The following LEPR variants were observed in gnomAD, a reference collection of about 807,000 sequenced individuals.
The protein encoded by LEPR is leptin receptor, also known as OB receptor.
LEPR carries 56 observed loss-of-function variants against 114.7 expected under a neutral mutation model. The ratio of observed to expected loss-of-function variants is 0.49; its 90% confidence interval spans 0.39 to 0.61. LEPR has a LOEUF of 0.61. Ranked by LOEUF, LEPR falls within the 20% of genes least tolerant of loss-of-function variation. LEPR has a pLI of 0.00. For synonymous variants in LEPR, 443 were observed against 461.4 expected (o/e 0.96, Z 0.51); for missense variants, 1,202 against 1,352.9 (o/e 0.89, Z 1.75).
At chr1:65,629,781 C>G (rs1288007061) in intron 19 of LEPR, among the ~76,000 whole-genome samples, 1 of 151,884 alleles carries the variant, frequency 6.6e-6, no homozygotes, top group African/African-American at 2.4e-5. Context: ...ATCCACTACC[C>G]CATCTTTACT....
chr1:65,610,662 A>G (rs902590801), intron 14 of LEPR, among the ~76,000 whole-genome samples: 2 of 152,192 alleles, frequency 1.3e-5, no homozygotes, highest in Non-Finnish European at 2.9e-5. Context: ...AACAATGTAA[A>G]TGTCACCTTC....
At chr1:65,432,896 G>T in intron 2 of LEPR, 1 of 873,058 alleles carries the variant, frequency 1.1e-6, no homozygotes, top group African/African-American at 1.8e-5. Context: ...TCATAAAACC[G>T]TATTGTACCC....
intron 2 of LEPR, among the ~76,000 whole-genome samples, chr1:65,452,604 C>A (rs1646802627): frequency 6.6e-6 from 1 of 151,726 alleles, no homozygotes; most frequent in South Asian, 2.1e-4. Flanking sequence ...TATATTGAAC[C>A]AGCCTTGCAT....
chr1:65,455,721 A>C (rs369227771), intron 2 of LEPR, among the ~76,000 whole-genome samples: 1 of 152,174 alleles, frequency 6.6e-6, no homozygotes, highest in Non-Finnish European at 1.5e-5. Flanking sequence ...TGCAGAGGTT[A>C]CTGCTGTCTT....
At chr1:65,621,517 T>C in intron 18 of LEPR, 59 bp downstream of exon 18, 3 of 1,409,082 alleles carry the variant, frequency 2.1e-6, no homozygotes, top group East Asian at 2.3e-5. Context: ...ATTCAAACCC[T>C]GATTTAAAAC....
In LEPR at chr1:65,619,394, G is replaced by A. The variant is rs566332556; in HGVS notation, c.2396-534G>A. On this transcript the variant is annotated intron_variant, in intron 16 of 19. Transcript: ENST00000349533. ...GATCCATCTGGAGCTTTGCTATAGG[G>A]TTGGTCATTTTCCATGGATCAAAAT... 2.0e-5 allele frequency among the ~76,000 whole-genome samples: 3 copies of A among 152,170 alleles called. No homozygotes were observed. The South Asian group carries it at 6.2e-4, about 32-fold the overall frequency.
intron 3 of LEPR, among the ~76,000 whole-genome samples, chr1:65,566,964 A>T (rs1570712258): frequency 2.0e-5 from 3 of 152,224 alleles, no homozygotes; most frequent in Admixed American, 1.3e-4. Context: ...TATTAGATAT[A>T]TTTAAGGGAA....
At position 65,636,929 on chromosome 1, in the gene LEPR, T is replaced by G; in HGVS notation, c.3412T>G (p.Phe1138Val). 4 of 1,608,540 alleles carry G rather than the reference T, an allele frequency of 2.5e-6. No homozygotes were observed. The highest frequency in any genetic ancestry group is 3.4e-6 in the Non-Finnish European group (4 of 1,178,060). ...CTTAGGAACTTCTAGTAAGAAGACT[T>G]TTGCATCTTACATGCCTCAATTCCA... ...INLGTSSKKT[F>V]ASYMPQFQTC... Residue 1138 changes from phenylalanine to valine, a missense_variant, in exon 20 of 20, where the codon TTT (phenylalanine) becomes GTT (valine). Transcript: ENST00000349533.
intron 2 of LEPR, among the ~76,000 whole-genome samples, chr1:65,444,990 C>T (rs539466563): frequency 6.6e-6 from 1 of 152,244 alleles, no homozygotes; most frequent in Non-Finnish European, 1.5e-5. Context: ...TCAAGGGCAG[C>T]GACTTTGTAC....
At chr1:65,443,727 T>C (rs775894595) in intron 2 of LEPR, among the ~76,000 whole-genome samples, 3 of 152,102 alleles carry the variant, frequency 2.0e-5, no homozygotes, top group Non-Finnish European at 4.4e-5. Context: ...AACCAAAATA[T>C]GTCACCTCAA....
At position 65,594,325 on chromosome 1, in the gene LEPR, A is replaced by G. The variant is rs138487481; in HGVS notation, c.703+1460A>G. ...AGAAGACCTTTGTGCTAGGAGTGAAAGAGATATGAGAGTATTAAGGGATGA... is the reference window on the plus strand; with the variant it reads ...AGAAGACCTTTGTGCTAGGAGTGAAGGAGATATGAGAGTATTAAGGGATGA... On this transcript the variant is annotated intron_variant, in intron 6 of 19. Coordinates refer to ENST00000349533, the MANE Select transcript of LEPR (RefSeq NM_002303.6). Among the ~76,000 whole-genome samples the G allele has an allele frequency of 2.4e-3, 365 of 152,188 alleles. 2 individuals carry two copies. Among genetic ancestry groups the G allele is most frequent in the African/African-American group, 8.3e-3 (344 of 41,538 alleles).
At chr1:65,635,701 T>C (rs12025906) in intron 19 of LEPR, among the ~76,000 whole-genome samples, 32,259 of 152,114 alleles carry the variant, frequency 0.21, 4,591 homozygotes, top group East Asian at 0.77. Flanking sequence ...AGACAAGTTA[T>C]TTTGGTCATT....
rs753387882 is a variant in LEPR at position 65,592,775 on chromosome 1, C to T, written c.613C>T (p.Leu205Phe). ...TCTTGTGCCTGTGCCAACAGCCAAA[C>T]TCAACGACACTCTCCTTATGTGTTT... is the stretch of plus-strand genomic sequence containing the variant. ...ECLVPVPTAK[L>F]NDTLLMCLKI... Residue 205 changes from leucine to phenylalanine, a missense_variant, in exon 6 of 20, where the codon CTC (leucine) becomes TTC (phenylalanine). By Grantham distance (22) the Leu-to-Phe change is conservative. Transcript: ENST00000349533. The T allele has an allele frequency of 6.2e-7, 1 of 1,613,360 alleles. No homozygotes were observed. The highest frequency in any genetic ancestry group is 8.5e-7 in the Non-Finnish European group (1 of 1,179,496).
At chr1:65,455,890 G>A (rs1389587049) in intron 2 of LEPR, among the ~76,000 whole-genome samples, 10 of 152,130 alleles carry the variant, frequency 6.6e-5, no homozygotes, top group Admixed American at 1.3e-4. Flanking sequence ...CCTTGCTGCC[G>A]CCTTGCAGTT....
At chr1:65,618,218 T>C (rs1243672624) in intron 16 of LEPR, 72 bp downstream of exon 16, 37 of 1,412,206 alleles carry the variant, frequency 2.6e-5, no homozygotes, top group Non-Finnish European at 3.6e-5. Flanking sequence ...ATTCTATTAA[T>C]ATAGCCAGTT....
intron 2 of LEPR, among the ~76,000 whole-genome samples, chr1:65,521,977 G>A (rs763121094): frequency 2.6e-5 from 4 of 152,134 alleles, no homozygotes; most frequent in Admixed American, 6.5e-5. Flanking sequence ...GTGGACACCT[G>A]TAATCCCAGC....
intron 2 of LEPR, among the ~76,000 whole-genome samples, chr1:65,517,078 G>A (rs1247220286): frequency 6.6e-6 from 1 of 152,190 alleles, no homozygotes; most frequent in Non-Finnish European, 1.5e-5. Context: ...TAATAGTAAT[G>A]TCCTTTTACC....
At chr1:65,614,256 C>T (rs1426850559) in intron 14 of LEPR, among the ~76,000 whole-genome samples, 1 of 152,196 alleles carries the variant, frequency 6.6e-6, no homozygotes, top group Non-Finnish European at 1.5e-5. Context: ...GTATATAGCA[C>T]TATGCATTTG....
chr1:65,473,998 G>A (rs1180602252), intron 2 of LEPR, among the ~76,000 whole-genome samples: 1 of 152,090 alleles, frequency 6.6e-6, no homozygotes, highest in East Asian at 1.9e-4. Flanking sequence ...TGTGTCACCT[G>A]CAATTGTTAA....
Sources: allele counts gnomAD v4.1 joint callset (sites outside exome capture counted in the v4.1 genomes callset), GRCh38; gene constraint gnomAD v4.1.1; transcripts MANE v1.5; gene names NCBI Gene and HGNC (gene_info 2026-07-23, HGNC 2026-07-21).